Variants in CPT1B observed in about 807,000 individuals in gnomAD.
CPT1B encodes the protein carnitine palmitoyltransferase 1B, also known as carnitine O-palmitoyltransferase 1, muscle isoform.
CPT1B carries 57 observed loss-of-function variants against 92.7 expected under a neutral mutation model. The ratio of observed to expected loss-of-function variants is 0.62; its 90% CI spans 0.50 to 0.77. The LOEUF (loss-of-function observed/expected upper bound fraction) is 0.77. Ranked by LOEUF, CPT1B falls within the 30% of genes least tolerant of loss-of-function variation. The pLI is 0.00. For missense variants in CPT1B, 983 were observed against 1,017.4 expected (o/e 0.97, Z 0.46); for synonymous variants, 398 against 383.5 (o/e 1.04, Z -0.44).
At position 50,573,895 on chromosome 22, in the gene CPT1B, ACT is replaced by A. The variant is rs1225251289; in HGVS notation, c.971-182_971-181del. The A allele has an allele frequency of 1.3e-5, 9 of 717,964 alleles. No individual in the cohort carries two copies. Among genetic ancestry groups the A allele is most frequent in the South Asian group, 1.0e-4 (7 of 66,786 alleles). 44.5% of individuals were successfully genotyped at this position (717,964 alleles called of 1,614,324 possible). ...ACCAGGCCCTGTGCTGGGTGCTTCCACTCTCTCTCACGCAACACCAACAATCC... is the reference window on the plus strand; with the variant it reads ...ACCAGGCCCTGTGCTGGGTGCTTCCACTCTCTCACGCAACACCAACAATCC... On this transcript the variant is annotated intron_variant, in intron 9 of 19. Transcript: ENST00000312108. This position sits in a 1 kb window ranked among gnomAD's most constrained non-coding sequence, Gnocchi z 5.0.
At chr22:50,576,422 A>G (rs2070439543) in intron 5 of CPT1B, 87 bp from the exon 6 acceptor site, 1 of 1,606,038 alleles carries the variant, frequency 6.2e-7, no homozygotes. Context: ...CTCCTCACCC[A>G]GCCCCATTAT....
chr22:50,578,023 C>G (rs1023554132), intron 1 of CPT1B, 89 bp from the exon 2 acceptor site: 95 of 873,488 alleles, frequency 1.1e-4, no homozygotes, highest in Admixed American at 2.0e-4. Context: ...TCCGCGACCC[C>G]TCGCGCCCCC....
At chr22:50,570,839 C>T in intron 16 of CPT1B, 52 bp downstream of exon 16, 1 of 1,591,826 alleles carries the variant, frequency 6.3e-7, no homozygotes, top group South Asian at 1.1e-5. Flanking sequence ...GGCCCAAGCC[C>T]TGCGTGTAGG....
intron 11 of CPT1B, 128 bp downstream of exon 11, chr22:50,572,747 G>A: frequency 9.5e-7 from 1 of 1,052,236 alleles, no homozygotes; most frequent in Non-Finnish European, 1.4e-6. Context: ...GGCCCCCAAA[G>A]TGCTAGGATC....
intron 11 of CPT1B, 133 bp downstream of exon 11, chr22:50,572,742 C>T: frequency 9.8e-7 from 1 of 1,019,500 alleles, no homozygotes; most frequent in Non-Finnish European, 1.4e-6. Flanking sequence ...GCCTTGGCCC[C>T]CAAAGTGCTA....
intron 16 of CPT1B, 24 bp from the exon 17 acceptor site, chr22:50,570,430 C>G: frequency 6.5e-7 from 1 of 1,535,096 alleles, no homozygotes; most frequent in African/African-American, 1.4e-5. Flanking sequence ...CACAGCTGGT[C>G]AGAGGCCACA....
In CPT1B at chr22:50,574,346, C is replaced by T. The variant is rs2269383; in HGVS notation, c.959G>A (p.Gly320Asp). ...ERMFNTTRIP[G>D]KDTDVLQHLS... Reference sequence around the variant, plus strand: ...GGGGGCTCAGTTACCTGTGTCCTTGCCCGGGATCCGAGTGGTGTTGAACAT... The same window carrying T: ...GGGGGCTCAGTTACCTGTGTCCTTGTCCGGGATCCGAGTGGTGTTGAACAT... The change falls in exon 9 of 20, where the codon GGC becomes GAC. Residue 320 changes from glycine to aspartate, a missense_variant. Physicochemically the swap from Gly to Asp is moderately conservative, Grantham distance 94. Transcript: ENST00000312108. 24,585 of 1,612,678 alleles carry T rather than the reference C, an allele frequency of 0.015. 862 individuals carry two copies. The highest frequency in any genetic ancestry group is 0.14 in the East Asian group (6,333 of 44,824).
At chr22:50,569,137 A>T in intron 19 of CPT1B, 56 bp from the exon 20 acceptor site, 1 of 527,392 alleles carries the variant, frequency 1.9e-6, no homozygotes, top group Non-Finnish European at 3.4e-6. Flanking sequence ...AAAAAAAAAA[A>T]TCAAAATTCC....
At chr22:50,577,729 G>C (rs114817935) in intron 2 of CPT1B, 46 bp downstream of exon 2, 3 of 1,601,750 alleles carry the variant, frequency 1.9e-6, no homozygotes, top group Non-Finnish European at 2.6e-6. Flanking sequence ...CTTAACAGCT[G>C]ACAGCCGGCC....
rs1162831990 is a variant in CPT1B, at chr22:50,573,948, A to G, written c.971-233T>C. On this transcript the variant is annotated intron_variant, in intron 9 of 19. Transcript: ENST00000312108. This position sits in a 1 kb window ranked among gnomAD's most constrained non-coding sequence, Gnocchi z 5.0. Reference sequence around the variant, plus strand: ...TATAAAGTATTTCACAGAAGAGGAAACGACGCACTAGAGGGTTGTGCAAAC... The same window carrying G: ...TATAAAGTATTTCACAGAAGAGGAAGCGACGCACTAGAGGGTTGTGCAAAC... 1.4e-6 allele frequency: 1 copy of G among 708,286 alleles called. No individual in the cohort carries two copies. The highest frequency in any genetic ancestry group is 2.0e-5 in the Admixed American group (1 of 49,712). The allele number at this position is 708,286 out of a possible 1,614,324, so 43.9% of individuals were successfully genotyped here. A position where few individuals can be genotyped will look rare whatever the true frequency, so the allele number is the denominator to read the frequency against.
At chr22:50,578,028 G>GC in intron 1 of CPT1B, 94 bp from the exon 2 acceptor site, 1 of 821,390 alleles carries the variant, frequency 1.2e-6, no homozygotes, top group South Asian at 5.8e-5. Flanking sequence ...GACCCCTCGC[G>GC]CCCCCCACCC....
chr22:50,577,710 A>C, intron 2 of CPT1B, 65 bp downstream of exon 2: 1 of 1,591,460 alleles, frequency 6.3e-7, no homozygotes, highest in African/African-American at 1.3e-5. Flanking sequence ...GAGGGACCCT[A>C]ACAAAGCGCT....
chr22:50,575,476 G>A (rs1261936861), intron 7 of CPT1B, among the ~76,000 whole-genome samples: 1 of 152,246 alleles, frequency 6.6e-6, no homozygotes, highest in Non-Finnish European at 1.5e-5. Flanking sequence ...GCTCTGGCAA[G>A]TCAAGTGTGC....
Position 50,571,431 on chromosome 22 carries a change from A to C in CPT1B, c.1684T>G (p.Cys562Gly). The C allele has an allele frequency of 6.2e-7, 1 of 1,613,846 alleles. No homozygotes were observed. ...LPFGKGLIKK[C>G]RTSPDAFVQI... ...ACAAAGGCATCAGGGCTGGTCCGGC[A>C]CTTCTTGATGAGGCCTTTGCCAAAG... The change falls in exon 14 of 20, where the codon TGC becomes GGC. Residue 562 changes from cysteine (C) to glycine (G), a missense_variant. Coordinates refer to ENST00000312108, the MANE Select transcript of CPT1B (RefSeq NM_152246.3).
At chr22:50,577,060 G>C (rs1449305043) in intron 3 of CPT1B, 26 bp from the exon 4 acceptor site, 1 of 1,610,954 alleles carries the variant, frequency 6.2e-7, no homozygotes, top group South Asian at 1.1e-5. Flanking sequence ...AAGGGCTGCA[G>C]GGGGTCCTCT....
chr22:50,569,627 G>C lies in CPT1B; in HGVS notation c.2184C>G (p.Gly728=). The C allele has an allele frequency of 1.9e-6, 3 of 1,614,014 alleles. No individual in the cohort carries two copies. Among genetic ancestry groups the C allele is most frequent in the Non-Finnish European group, 2.5e-6 (3 of 1,180,016 alleles). The change falls in exon 18 of 20, where the codon GGC becomes GGG. Residue 728 remains glycine, a synonymous_variant. Transcript: ENST00000312108. The stretch of plus-strand genomic sequence containing the variant: ...AGATGTGGAAGAAGATCGTGTTCTC[G>C]CCTGCAATCATGTAGGAAACTCCAT... ...DGYGVSYMIA[G]ENTIFFHISS...
chr22:50,573,716 C>T lies in CPT1B; in HGVS notation c.971-1G>A, dbSNP rs756951722. The T allele has an allele frequency of 1.2e-5, 20 of 1,611,144 alleles. No individual in the cohort carries two copies. The East Asian group carries it at 4.5e-4, about 36-fold the overall frequency. On this transcript the variant is annotated splice_acceptor_variant, in intron 9 of 19. Transcript: ENST00000312108. LOFTEE classifies it high-confidence loss of function. This position sits in a 1 kb window ranked among gnomAD's most constrained non-coding sequence, Gnocchi z 5.0. The stretch of plus-strand genomic sequence containing the variant: ...CTGTCTGAGAGGTGCTGTAGCACAT[C>T]TGTGATACAGGCCACGGGCAAGCTG...
rs768047055 is a variant in CPT1B at position 50,574,431 on chromosome 22, C to T, written c.886-12G>A. On this transcript the variant is annotated splice_polypyrimidine_tract_variant and intron_variant, in intron 8 of 19. Coordinates refer to ENST00000312108, the MANE Select transcript of CPT1B (RefSeq NM_152246.3). The stretch of plus-strand genomic sequence containing the variant: ...CCCAGTGCCATCACCTGAGGGAAGG[C>T]CCAGCATGGCTCAGACTCAGGTCTC... 1.1e-5 allele frequency: 18 copies of T among 1,613,926 alleles called. No homozygotes were observed. The East Asian group carries it at 3.8e-4, about 34-fold the overall frequency.
At position 50,574,531 on chromosome 22, in the gene CPT1B, T is replaced by C. The variant is rs762042422; in HGVS notation, c.847A>G (p.Met283Val). The stretch of plus-strand genomic sequence containing the variant: ...TCACGGTCCAGTTTACGGCGATACA[T>C]GATCATGGCGTGGATGATGTTTCCC... ...RLGNIIHAMIMYRRKLDREEI... is the reference protein window; with the variant it reads ...RLGNIIHAMIVYRRKLDREEI... The change falls in exon 8 of 20, where the codon ATG (methionine) becomes GTG (valine). Residue 283 changes from methionine to valine, a missense_variant. Coordinates refer to ENST00000312108, the MANE Select transcript of CPT1B (RefSeq NM_152246.3). 7 of 1,614,168 alleles carry C rather than the reference T, an allele frequency of 4.3e-6. No individual in the cohort carries two copies. Among genetic ancestry groups the C allele is most frequent in the Non-Finnish European group, 5.9e-6 (7 of 1,180,028 alleles).
Sources: gnomAD v4.1 joint callset for allele counts (sites outside exome capture counted in the v4.1 genomes callset) on GRCh38, gnomAD v4.1.1 for gene constraint, Gnocchi (gnomAD v3.1) non-coding constraint, MANE v1.5 for transcripts, NCBI Gene and HGNC (gene_info 2026-07-23, HGNC 2026-07-21) for gene names.